SUCLG2: variants seen among roughly 807,000 people sequenced by gnomAD.
SUCLG2 encodes succinate--CoA ligase [GDP-forming] subunit beta, mitochondrial.
A neutral mutation model predicts 47.9 loss-of-function variants in SUCLG2; 42 were observed. That is an observed-to-expected ratio of 0.88 (90% confidence interval 0.69 to 1.14). The LOEUF (loss-of-function observed/expected upper bound fraction) is 1.14. Among genes scored for constraint, SUCLG2 ranks in the 50% most tolerant of loss-of-function variants. SUCLG2 has a pLI of 0.00. For synonymous variants in SUCLG2, 195 were observed against 197.3 expected (o/e 0.99, Z 0.10); for missense variants, 571 against 525.9 (o/e 1.09, Z -0.84).
At chr3:67,484,455 T>C (rs1342339803) in intron 9 of SUCLG2, among the ~76,000 whole-genome samples, 1 of 152,256 alleles carries the variant, frequency 6.6e-6, no homozygotes, top group African/African-American at 2.4e-5. Flanking sequence ...TAAAAAGATA[T>C]TTTTGGGGCA....
intron 9 of SUCLG2, among the ~76,000 whole-genome samples, chr3:67,425,060 T>C (rs1703263920): frequency 6.7e-6 from 1 of 149,254 alleles, no homozygotes; most frequent in Admixed American, 6.7e-5. Flanking sequence ...GAGAATCATT[T>C]TGCATTTGAA....
intron 1 of SUCLG2, among the ~76,000 whole-genome samples, chr3:67,610,209 T>G (rs1700502692): frequency 1.3e-5 from 2 of 152,130 alleles, no homozygotes; most frequent in Non-Finnish European, 2.9e-5. Flanking sequence ...TTTAACAGAG[T>G]CTGGGTAGGG....
chr3:67,373,866 C>A (rs992161101), downstream of SUCLG2, among the ~76,000 whole-genome samples: 4 of 152,140 alleles, frequency 2.6e-5, no homozygotes, highest in African/African-American at 9.6e-5. Flanking sequence ...GAGAATAAAA[C>A]AATTAGAGAC....
chr3:67,427,564 G>A (rs888508416), intron 9 of SUCLG2, among the ~76,000 whole-genome samples: 8 of 152,166 alleles, frequency 5.3e-5, no homozygotes, highest in Admixed American at 5.2e-4. Flanking sequence ...CTCAAGAGAA[G>A]GGTGATTTCT....
intron 9 of SUCLG2, among the ~76,000 whole-genome samples, chr3:67,457,824 T>C (rs1025590811): frequency 3.3e-5 from 5 of 151,776 alleles, no homozygotes; most frequent in Admixed American, 1.3e-4. Flanking sequence ...ATGCTTGGGA[T>C]AGTCCATTAC....
At chr3:67,588,321 A>T (rs1253281697) in intron 2 of SUCLG2, among the ~76,000 whole-genome samples, 1 of 152,212 alleles carries the variant, frequency 6.6e-6, no homozygotes, top group Non-Finnish European at 1.5e-5. Flanking sequence ...TCCTAAATTG[A>T]GGTACTCTAA....
chr3:67,595,359 G>A (rs931369790), intron 2 of SUCLG2, among the ~76,000 whole-genome samples: 3 of 152,132 alleles, frequency 2.0e-5, no homozygotes, highest in African/African-American at 7.2e-5. Context: ...ACAGAGGTGA[G>A]GAGGCACCAG....
intron 9 of SUCLG2, among the ~76,000 whole-genome samples, chr3:67,463,952 AT>A (rs1704402095): frequency 6.6e-6 from 1 of 152,224 alleles, no homozygotes; most frequent in Non-Finnish European, 1.5e-5. Context: ...AGGGAAACAC[AT>A]CTGTGAATGC....
chr3:67,556,373 T>G (rs1707162078), intron 2 of SUCLG2, among the ~76,000 whole-genome samples: 1 of 152,182 alleles, frequency 6.6e-6, no homozygotes, highest in Non-Finnish European at 1.5e-5. Flanking sequence ...ACCCACAATG[T>G]TTAGCAGAAA....
At chr3:67,646,095 GGAGGGGAGGGGAGGA>G (rs1701186302) in intron 1 of SUCLG2, among the ~76,000 whole-genome samples, 1 of 145,218 alleles carries the variant, frequency 6.9e-6, no homozygotes, top group African/African-American at 2.5e-5. Context: ...GGAGGGCAGG[GGAGGGGAGGGGAGGA>G]GAGGGGAGGG....
chr3:67,518,778 T>G (rs1373234141), intron 5 of SUCLG2, among the ~76,000 whole-genome samples: 1 of 152,190 alleles, frequency 6.6e-6, no homozygotes, highest in African/African-American at 2.4e-5. Context: ...ACTGTTACCT[T>G]AGCTCTACAA....
intron 6 of SUCLG2, among the ~76,000 whole-genome samples, chr3:67,510,321 T>A (rs1211462092): frequency 6.6e-6 from 1 of 152,192 alleles, no homozygotes; most frequent in Non-Finnish European, 1.5e-5. Context: ...CATTTTTAAA[T>A]CCAAATTTGA....
chr3:67,421,327 C>A (rs1017415754), intron 9 of SUCLG2, among the ~76,000 whole-genome samples: 1 of 152,188 alleles, frequency 6.6e-6, no homozygotes, highest in Non-Finnish European at 1.5e-5. Context: ...ACCCTAGACA[C>A]ACGCTAACAG....
At chr3:67,392,683 T>C (rs1308350299) in intron 10 of SUCLG2, among the ~76,000 whole-genome samples, 2 of 152,146 alleles carry the variant, frequency 1.3e-5, no homozygotes, top group Non-Finnish European at 2.9e-5. Context: ...TCATAGTTAA[T>C]AGTGGCAGTA....
intron 1 of SUCLG2, among the ~76,000 whole-genome samples, chr3:67,643,428 G>C (rs1025811595): frequency 2.0e-5 from 3 of 152,148 alleles, no homozygotes; most frequent in African/African-American, 7.2e-5. Flanking sequence ...GAAGTATGCT[G>C]AACTTAAAAC....
rs1559536822 is a variant in SUCLG2 at position 67,466,282 on chromosome 3, G to T, written c.1062+29516C>A. 3.3e-5 allele frequency among the ~76,000 whole-genome samples: 5 copies of T among 152,218 alleles called. No homozygotes were observed. The South Asian group carries it at 1.0e-3, about 32-fold the overall frequency. ...GCAAGATAATTGCTTGAACCTGGGAGGTAGAGGTTGCAGTGAGCTGAGATA... is the reference window on the plus strand; with the variant it reads ...GCAAGATAATTGCTTGAACCTGGGATGTAGAGGTTGCAGTGAGCTGAGATA... On this transcript the variant is annotated intron_variant, in intron 9 of 10. Coordinates refer to ENST00000307227, the MANE Select transcript of SUCLG2 (RefSeq NM_003848.4).
chr3:67,567,803 CT>C (rs1225714622), intron 2 of SUCLG2, among the ~76,000 whole-genome samples: 1 of 152,160 alleles, frequency 6.6e-6, no homozygotes, highest in Non-Finnish European at 1.5e-5. Flanking sequence ...CATAAACTGT[CT>C]TCTTTATTTA....
intron 9 of SUCLG2, among the ~76,000 whole-genome samples, chr3:67,490,417 G>A (rs1029494399): frequency 9.2e-5 from 14 of 152,160 alleles, no homozygotes; most frequent in Non-Finnish European, 1.8e-4. Flanking sequence ...AGCACAAAAA[G>A]AGCTGGCCTC....
At chr3:67,564,344 C>G (rs1707396636) in intron 2 of SUCLG2, among the ~76,000 whole-genome samples, 1 of 151,972 alleles carries the variant, frequency 6.6e-6, no homozygotes. Context: ...AGTACTCACT[C>G]TGATCTTTAC....
Sources: allele counts gnomAD v4.1 joint callset (sites outside exome capture counted in the v4.1 genomes callset), GRCh38; gene constraint gnomAD v4.1.1; transcripts MANE v1.5; gene names NCBI Gene and HGNC (gene_info 2026-07-23, HGNC 2026-07-21).